The following ACTR3C variants were observed in gnomAD, a reference collection of about 807,000 sequenced individuals.
The protein encoded by ACTR3C is actin-related protein 3C.
Under a neutral mutation model 26.3 loss-of-function variants are expected in ACTR3C, and 18 were observed. The observed-to-expected ratio is 0.68, with a 90% CI of 0.47 to 1.01. The LOEUF is 1.01. Among genes scored for constraint, ACTR3C ranks in the 50% least tolerant of loss-of-function variants. The probability of loss-of-function intolerance (pLI) is 0.00; values close to 1 mark genes in which losing one functional copy is unlikely to be tolerated. For synonymous variants in ACTR3C, 55 were observed against 94.5 expected (o/e 0.58, Z 2.42); for missense variants, 184 against 250.7 (o/e 0.73, Z 1.80).
At chr7:150,241,996 T>C (rs961475870), downstream of ACTR3C, among the ~76,000 whole-genome samples, 2 of 152,100 alleles carry the variant, frequency 1.3e-5, no homozygotes, top group African/African-American at 4.8e-5. Flanking sequence ...AGCGGGCGGA[T>C]CACAAGGTCA....
chr7:150,031,880 A>C, the ACTR3C span, among the ~76,000 whole-genome samples: 1 of 151,104 alleles, frequency 6.6e-6, no homozygotes, highest in African/African-American at 2.4e-5. Context: ...TTTTGTTCTT[A>C]CTGGGGGGAA....
intron 6 of ACTR3C, among the ~76,000 whole-genome samples, chr7:150,257,980 C>T (rs941284436): frequency 1.3e-5 from 2 of 152,114 alleles, no homozygotes; most frequent in African/African-American, 2.4e-5. Flanking sequence ...GGGGCTTCAC[C>T]GCTAGATGCC....
At chr7:150,215,870 A>G in the ACTR3C span, among the ~76,000 whole-genome samples, 3 of 152,198 alleles carry the variant, frequency 2.0e-5, no homozygotes, top group East Asian at 3.8e-4. Context: ...TGTAAATGCT[A>G]TATGCATTTG....
At chr7:150,283,450 A>G (rs1835508258) in intron 6 of ACTR3C, among the ~76,000 whole-genome samples, 1 of 150,220 alleles carries the variant, frequency 6.7e-6, no homozygotes, top group Admixed American at 6.6e-5. Flanking sequence ...AAAAATTTTA[A>G]TTATAAAAAA....
chr7:150,035,181 G>C, the ACTR3C span, among the ~76,000 whole-genome samples: 6 of 136,882 alleles, frequency 4.4e-5, no homozygotes, highest in Admixed American at 1.4e-4. Flanking sequence ...AAGAGGGTCT[G>C]GCTCTCAGTC....
the ACTR3C span, among the ~76,000 whole-genome samples, chr7:150,098,615 G>A: frequency 6.9e-4 from 105 of 151,806 alleles, 1 homozygote; most frequent in Non-Finnish European, 1.3e-3. Flanking sequence ...TACAAAAAGC[G>A]TTGGTAGAGT....
chr7:150,176,869 G>A, the ACTR3C span, among the ~76,000 whole-genome samples: 1 of 150,716 alleles, frequency 6.6e-6, no homozygotes, highest in African/African-American at 2.5e-5. Context: ...TTTAATAATT[G>A]TATAGCACAA....
chr7:150,220,769 G>C, the ACTR3C span, among the ~76,000 whole-genome samples: 1 of 152,308 alleles, frequency 6.6e-6, no homozygotes, highest in African/African-American at 2.4e-5. Flanking sequence ...CACCAGGGCA[G>C]AGCCACCGCT....
At chr7:150,318,762 A>G (rs1479768422) in intron 1 of ACTR3C, among the ~76,000 whole-genome samples, 1 of 152,122 alleles carries the variant, frequency 6.6e-6, no homozygotes, top group Non-Finnish European at 1.5e-5. Context: ...AATGGCAACA[A>G]CAACAACAAA....
the ACTR3C span, among the ~76,000 whole-genome samples, chr7:150,164,381 C>T: frequency 1.2e-3 from 187 of 152,284 alleles, no homozygotes; most frequent in South Asian, 2.7e-3. Context: ...GTCAGATCCT[C>T]GGTGTGTCCT....
At chr7:149,943,787 A>G in the ACTR3C span, among the ~76,000 whole-genome samples, 1 of 147,196 alleles carries the variant, frequency 6.8e-6, no homozygotes, top group South Asian at 2.1e-4. Flanking sequence ...GTTTTCTATA[A>G]TCCCAGAGTA....
chr7:150,066,998 T>C, the ACTR3C span, among the ~76,000 whole-genome samples: 1 of 152,138 alleles, frequency 6.6e-6, no homozygotes. Flanking sequence ...TAATCAACCA[T>C]GGAATGTGGG....
At chr7:150,187,187 T>C in the ACTR3C span, among the ~76,000 whole-genome samples, 1 of 151,514 alleles carries the variant, frequency 6.6e-6, no homozygotes, top group Non-Finnish European at 1.5e-5. Context: ...CACCTTCTTT[T>C]GCTTGCTATT....
the ACTR3C span, among the ~76,000 whole-genome samples, chr7:150,093,695 A>G: frequency 6.6e-6 from 1 of 150,702 alleles, no homozygotes. Flanking sequence ...AGAGCTGAAT[A>G]TCTTCTCAGC....
chr7:150,021,897 T>C, the ACTR3C span, among the ~76,000 whole-genome samples: 1,836 of 151,742 alleles, frequency 0.012, 50 homozygotes, highest in African/African-American at 0.042. Flanking sequence ...TGGTTCCATA[T>C]TTTTGCAATT....
At chr7:149,893,167 CCATGAGCTA>C in the ACTR3C span, among the ~76,000 whole-genome samples, 6 of 152,168 alleles carry the variant, frequency 3.9e-5, no homozygotes, top group Non-Finnish European at 7.3e-5. Context: ...TCGAGCTCTC[CCATGAGCTA>C]TTTTCATCCA....
intron 6 of ACTR3C, among the ~76,000 whole-genome samples, chr7:150,253,246 C>A (rs191623213): frequency 6.6e-6 from 1 of 152,234 alleles, no homozygotes; most frequent in East Asian, 1.9e-4. Context: ...ATAAAGGCTG[C>A]CATTTTTCAG....
the ACTR3C span, among the ~76,000 whole-genome samples, chr7:150,128,053 CAA>C: frequency 0.11 from 12,515 of 112,710 alleles, 1,263 homozygotes; most frequent in African/African-American, 0.29. Flanking sequence ...AAATTCATTC[CAA>C]AAAAAAAAAA....
the ACTR3C span, among the ~76,000 whole-genome samples, chr7:150,132,998 C>A: frequency 6.6e-6 from 1 of 152,134 alleles, no homozygotes; most frequent in Admixed American, 6.5e-5. Flanking sequence ...CTATCTATAT[C>A]TTTAAATTCA....
Sources: allele counts gnomAD v4.1 joint callset (sites outside exome capture counted in the v4.1 genomes callset), GRCh38; gene constraint gnomAD v4.1.1; transcripts MANE v1.5; gene names NCBI Gene and HGNC (gene_info 2026-07-23, HGNC 2026-07-21).